The following CNTNAP5 variants were observed in gnomAD, a reference collection of about 807,000 sequenced individuals.
CNTNAP5 encodes the protein contactin associated protein family member 5, also known as contactin-associated protein-like 5.
Under a neutral mutation model 150.2 loss-of-function variants are expected in CNTNAP5, and 72 were observed. That is an observed-to-expected ratio of 0.48 (90% CI 0.40 to 0.58). The LOEUF is 0.58. Among genes scored for constraint, CNTNAP5 ranks in the 20% least tolerant of loss-of-function variants. The pLI is 0.00. For missense variants in CNTNAP5, 1,636 were observed against 1,626.2 expected (o/e 1.01, Z -0.10); for synonymous variants, 672 against 619.8 (o/e 1.08, Z -1.25).
chr2:124,358,864 G>T (rs1690105797), intron 3 of CNTNAP5, among the ~76,000 whole-genome samples: 1 of 149,948 alleles, frequency 6.7e-6, no homozygotes, highest in Admixed American at 6.6e-5. Flanking sequence ...GATTGGAATA[G>T]TTTCAGAAGG....
At chr2:124,381,996 A>G (rs1016188991) in intron 3 of CNTNAP5, among the ~76,000 whole-genome samples, 2 of 152,150 alleles carry the variant, frequency 1.3e-5, no homozygotes, top group Admixed American at 6.6e-5. Flanking sequence ...AACAAGGGGA[A>G]GTGAAATCTA....
At chr2:124,682,679 TG>T in intron 13 of CNTNAP5, among the ~76,000 whole-genome samples, 1 of 152,258 alleles carries the variant, frequency 6.6e-6, no homozygotes, top group East Asian at 1.9e-4. Flanking sequence ...AACTCTGAAA[TG>T]GTTGATTTTA....
intron 19 of CNTNAP5, among the ~76,000 whole-genome samples, chr2:124,850,163 G>A (rs563817379): frequency 3.3e-5 from 5 of 152,218 alleles, no homozygotes; most frequent in East Asian, 1.9e-4. Flanking sequence ...ATATTTTAAC[G>A]ATATTGGTAA....
chr2:124,251,367 G>C (rs918475967), intron 3 of CNTNAP5, among the ~76,000 whole-genome samples: 1 of 151,852 alleles, frequency 6.6e-6, no homozygotes, highest in South Asian at 2.1e-4. Context: ...GAATACTGTG[G>C]GTGATTTTTT....
chr2:124,871,155 T>A (rs954683859), intron 21 of CNTNAP5, among the ~76,000 whole-genome samples: 2 of 152,146 alleles, frequency 1.3e-5, no homozygotes, highest in African/African-American at 4.8e-5. Context: ...CATTCCTCAT[T>A]TCTTCCTGTA....
chr2:124,105,535 A>G (rs750611511), intron 1 of CNTNAP5, among the ~76,000 whole-genome samples: 3 of 152,236 alleles, frequency 2.0e-5, no homozygotes, highest in Non-Finnish European at 4.4e-5. Flanking sequence ...CTCAAGTCCA[A>G]TTAATAAAAA....
At chr2:124,825,308 A>T (rs868366330) in intron 19 of CNTNAP5, among the ~76,000 whole-genome samples, 9 of 152,104 alleles carry the variant, frequency 5.9e-5, no homozygotes, top group Middle Eastern at 3.4e-3. Context: ...TATTTTTTAG[A>T]TTTTTATCAT....
At chr2:124,443,261 G>A (rs1692721465) in intron 5 of CNTNAP5, among the ~76,000 whole-genome samples, 1 of 148,578 alleles carries the variant, frequency 6.7e-6, no homozygotes, top group South Asian at 2.1e-4. Flanking sequence ...ATATAATTAT[G>A]TATCATATGT....
chr2:124,364,554 C>T (rs925798421), intron 3 of CNTNAP5, among the ~76,000 whole-genome samples: 1 of 152,178 alleles, frequency 6.6e-6, no homozygotes, highest in Non-Finnish European at 1.5e-5. Flanking sequence ...CCAATGTATA[C>T]ACTGAGGTTT....
chr2:124,705,051 CTTAA>C (rs67463217), intron 13 of CNTNAP5, among the ~76,000 whole-genome samples: 24,666 of 151,962 alleles, frequency 0.16, 2,265 homozygotes, highest in East Asian at 0.24. Context: ...GTACTTTCCA[CTTAA>C]TTGTGTACTT....
chr2:124,537,912 G>C (rs1695277484), intron 10 of CNTNAP5, among the ~76,000 whole-genome samples: 1 of 152,150 alleles, frequency 6.6e-6, no homozygotes, highest in Non-Finnish European at 1.5e-5. Context: ...AAAACACGGA[G>C]GGCTGAGCAA....
At chr2:124,699,796 C>T (rs76248933) in intron 13 of CNTNAP5, among the ~76,000 whole-genome samples, 2 of 100,734 alleles carry the variant, frequency 2.0e-5, no homozygotes, top group African/African-American at 6.9e-5. Flanking sequence ...TCTTTCTTTT[C>T]TTTCTTTCTT....
At chr2:124,146,013 G>T (rs1320839557) in intron 1 of CNTNAP5, among the ~76,000 whole-genome samples, 1 of 151,916 alleles carries the variant, frequency 6.6e-6, no homozygotes, top group East Asian at 1.9e-4. Flanking sequence ...ATTTTAAAAA[G>T]CATTTTGTGA....
intron 3 of CNTNAP5, among the ~76,000 whole-genome samples, chr2:124,400,866 CT>C (rs200535131): frequency 4.6e-5 from 7 of 150,552 alleles, no homozygotes; most frequent in South Asian, 2.1e-4. Flanking sequence ...ACCCCCTACA[CT>C]TTTTTTTTAT....
chr2:124,474,193 T>C (rs2104833123), intron 6 of CNTNAP5, among the ~76,000 whole-genome samples: 1 of 152,196 alleles, frequency 6.6e-6, no homozygotes, highest in Non-Finnish European at 1.5e-5. Context: ...ACAAGTGAAA[T>C]TTCATCACAT....
chr2:124,487,116 T>C (rs1300990936), intron 7 of CNTNAP5, among the ~76,000 whole-genome samples: 3 of 152,166 alleles, frequency 2.0e-5, no homozygotes, highest in Non-Finnish European at 4.4e-5. Context: ...GTATCCCCCA[T>C]GGTGGCTAGT....
chr2:124,316,244 G>A lies in CNTNAP5; in HGVS notation c.381+73851G>A, dbSNP rs116655469. ...CCTGGAAAGGGTTAGTAGCCCTGGA[G>A]TGGGTTAGTAACCTGCTGGGTGTTA... is the stretch of plus-strand genomic sequence containing the variant. On this transcript the variant is annotated intron_variant, in intron 3 of 23. Coordinates refer to ENST00000682447, the MANE Select transcript of CNTNAP5 (RefSeq NM_001367498.1). 6.7e-4 allele frequency among the ~76,000 whole-genome samples: 102 copies of A among 152,310 alleles called. 1 individual carries two copies. The highest frequency in any genetic ancestry group is 2.4e-3 in the African/African-American group (101 of 41,570).
Position 124,609,664 on chromosome 2 carries a change from G to GGGAAA in CNTNAP5, c.1757-137_1757-136insGGAAA. 3.4e-6 allele frequency: 3 copies of GGGAAA among 872,052 alleles called. No individual in the cohort carries two copies. The South Asian group carries it at 6.2e-5, about 18-fold the overall frequency. 54.0% of individuals were successfully genotyped at this position (872,052 alleles called of 1,614,324 possible). On this transcript the variant is annotated intron_variant, in intron 11 of 23. Coordinates refer to ENST00000682447, the MANE Select transcript of CNTNAP5 (RefSeq NM_001367498.1). ...AAGCCACTGGTACTGGTGTGTTAAG[G>GGGAAA]CTTGGGGAAAAAGTCAAGGATATAG...
At chr2:124,598,153 CAT>C (rs2104968976) in intron 11 of CNTNAP5, among the ~76,000 whole-genome samples, 1 of 136,234 alleles carries the variant, frequency 7.3e-6, no homozygotes, top group Admixed American at 8.0e-5. Flanking sequence ...TCATCAAAAT[CAT>C]TCTCCATCCA....
Sources: gnomAD v4.1 joint callset for allele counts (sites outside exome capture counted in the v4.1 genomes callset) on GRCh38, gnomAD v4.1.1 for gene constraint, MANE v1.5 for transcripts, NCBI Gene and HGNC (gene_info 2026-07-23, HGNC 2026-07-21) for gene names.